The following SYN3 variants were observed in gnomAD, a reference collection of about 807,000 sequenced individuals.
SYN3 encodes synapsin-3.
SYN3 carries 35 observed loss-of-function variants against 65.8 expected under a neutral mutation model. The ratio of observed to expected loss-of-function variants is 0.53; its 90% CI spans 0.41 to 0.70. SYN3 has a LOEUF of 0.70. SYN3 is among the 30% of genes least tolerant of loss of function. SYN3 has a pLI of 0.00. For synonymous variants in SYN3, 270 were observed against 292.9 expected (o/e 0.92, Z 0.80); for missense variants, 680 against 749.0 (o/e 0.91, Z 1.08).
intron 2 of SYN3, among the ~76,000 whole-genome samples, chr22:32,984,599 C>T (rs945089302): frequency 1.3e-5 from 2 of 151,968 alleles, no homozygotes; most frequent in Non-Finnish European, 2.9e-5. Flanking sequence ...AGGGCATGGC[C>T]TAAGAGTGCA....
intron 4 of SYN3, among the ~76,000 whole-genome samples, chr22:32,894,108 A>C (rs2049524559): frequency 6.6e-6 from 1 of 152,328 alleles, no homozygotes; most frequent in Non-Finnish European, 1.5e-5. Context: ...TTATCCTCTG[A>C]AAGTCTTCAC....
chr22:32,616,839 T>C, intron 6 of SYN3, among the ~76,000 whole-genome samples: 2 of 152,082 alleles, frequency 1.3e-5, no homozygotes, highest in Non-Finnish European at 2.9e-5. Flanking sequence ...TCATGGACAG[T>C]GCATAGGGGA....
chr22:32,587,661 GC>G (rs1341722423), intron 7 of SYN3, among the ~76,000 whole-genome samples: 1 of 152,204 alleles, frequency 6.6e-6, no homozygotes, highest in Non-Finnish European at 1.5e-5. Flanking sequence ...AAGTGAGTCA[GC>G]CTAAGAGAAG....
At chr22:32,675,095 A>G (rs1416520390) in intron 6 of SYN3, among the ~76,000 whole-genome samples, 3 of 152,208 alleles carry the variant, frequency 2.0e-5, no homozygotes, top group Non-Finnish European at 4.4e-5. Flanking sequence ...GAAGAAACAA[A>G]TGTGGTTGAA....
chr22:32,788,847 C>T (rs144062136), intron 6 of SYN3, among the ~76,000 whole-genome samples: 70 of 152,324 alleles, frequency 4.6e-4, no homozygotes, highest in African/African-American at 1.3e-3. Context: ...GGTGGGCGGC[C>T]TGTGCCTACC....
At chr22:32,686,564 A>T (rs2060591351) in intron 6 of SYN3, among the ~76,000 whole-genome samples, 1 of 147,792 alleles carries the variant, frequency 6.8e-6, no homozygotes, top group Non-Finnish European at 1.5e-5. Flanking sequence ...GGAGAGCTAC[A>T]GATTTTCCAG....
At chr22:32,906,051 A>G (rs963963248) in intron 4 of SYN3, among the ~76,000 whole-genome samples, 2 of 152,178 alleles carry the variant, frequency 1.3e-5, no homozygotes, top group Non-Finnish European at 2.9e-5. Context: ...AAGACCTAGG[A>G]GCAGCTGAAA....
chr22:32,843,093 C>A (rs529044349), intron 6 of SYN3, among the ~76,000 whole-genome samples: 67 of 150,166 alleles, frequency 4.5e-4, no homozygotes, highest in African/African-American at 1.6e-3. Context: ...TTTTTTTTTT[C>A]CCCCACTAGG....
At chr22:32,620,712 C>T (rs2059581227) in intron 6 of SYN3, among the ~76,000 whole-genome samples, 1 of 151,990 alleles carries the variant, frequency 6.6e-6, no homozygotes, top group South Asian at 2.1e-4. Context: ...AGAAGCTTCA[C>T]AACCCAAATC....
chr22:32,765,953 G>C (rs2045613268), intron 6 of SYN3, among the ~76,000 whole-genome samples: 1 of 152,150 alleles, frequency 6.6e-6, no homozygotes. Flanking sequence ...TAAACCCAGG[G>C]GCCCTCCAAG....
At chr22:32,935,592 A>C (rs531122607) in intron 3 of SYN3, among the ~76,000 whole-genome samples, 66 of 152,136 alleles carry the variant, frequency 4.3e-4, no homozygotes, top group African/African-American at 1.5e-3. Context: ...CTGAGATCAC[A>C]GGCACCCGCC....
intron 8 of SYN3, among the ~76,000 whole-genome samples, chr22:32,540,619 C>T (rs1403275697): frequency 6.6e-6 from 1 of 152,348 alleles, no homozygotes; most frequent in East Asian, 1.9e-4. Context: ...ATCCTTATAA[C>T]CACAGCCCCA....
At chr22:32,562,755 G>A (rs1208694052) in intron 7 of SYN3, among the ~76,000 whole-genome samples, 4 of 152,244 alleles carry the variant, frequency 2.6e-5, no homozygotes, top group Admixed American at 2.0e-4. Context: ...CTTGGCCTAA[G>A]CCCTGCTTAT....
intron 1 of SYN3, among the ~76,000 whole-genome samples, chr22:33,011,398 C>T (rs1239826106): frequency 6.6e-6 from 1 of 152,154 alleles, no homozygotes; most frequent in African/African-American, 2.4e-5. Flanking sequence ...AAATGTTAAA[C>T]CAAACTTGCA....
chr22:32,728,473 A>G (rs1432491638), intron 6 of SYN3, among the ~76,000 whole-genome samples: 2 of 152,158 alleles, frequency 1.3e-5, no homozygotes, highest in Non-Finnish European at 2.9e-5. Context: ...AGACCTCTGC[A>G]TCTTGGTTAC....
chr22:32,954,060 C>G (rs2146842076), intron 3 of SYN3, among the ~76,000 whole-genome samples: 1 of 152,202 alleles, frequency 6.6e-6, no homozygotes, highest in South Asian at 2.1e-4. Context: ...ATAGTCGCCC[C>G]TTCCTGCTCA....
intron 6 of SYN3, among the ~76,000 whole-genome samples, chr22:32,619,892 T>G (rs1025046082): frequency 6.6e-6 from 1 of 152,198 alleles, no homozygotes; most frequent in African/African-American, 2.4e-5. Context: ...AGAGAATACG[T>G]GGAAGAGTGC....
At chr22:32,691,975 G>A (rs372611530) in intron 6 of SYN3, among the ~76,000 whole-genome samples, 4 of 151,954 alleles carry the variant, frequency 2.6e-5, no homozygotes, top group African/African-American at 9.7e-5. Context: ...GTTGGACCCT[G>A]GAGTCATGCA....
intron 6 of SYN3, among the ~76,000 whole-genome samples, chr22:32,850,206 G>T (rs2146248638): frequency 6.6e-6 from 1 of 151,706 alleles, no homozygotes; most frequent in Middle Eastern, 3.4e-3. Context: ...TTAAGAAAAA[G>T]AACACCAGAT....
Sources: allele counts gnomAD v4.1 joint callset (sites outside exome capture counted in the v4.1 genomes callset), GRCh38; gene constraint gnomAD v4.1.1; transcripts MANE v1.5; gene names NCBI Gene and HGNC (gene_info 2026-07-23, HGNC 2026-07-21).